FOXP1: variants seen among roughly 807,000 people sequenced by gnomAD.
The protein encoded by FOXP1 is forkhead box P1, also known as forkhead box protein P1.
Under a neutral mutation model 98.2 loss-of-function variants are expected in FOXP1, and 15 were observed. The observed-to-expected ratio is 0.15, with a 90% confidence interval of 0.10 to 0.24. The LOEUF (loss-of-function observed/expected upper bound fraction) is 0.24. Among genes scored for constraint, FOXP1 ranks in the 10% least tolerant of loss-of-function variants. FOXP1 has a pLI of 1.00. For synonymous variants in FOXP1, 371 were observed against 314.5 expected (o/e 1.18, Z -1.90); for missense variants, 633 against 848.5 (o/e 0.75, Z 3.15).
intron 19 of FOXP1, 155 bp downstream of exon 19, chr3:70,970,581 G>A (rs1246344713): frequency 4.1e-6 from 3 of 727,488 alleles, no homozygotes; most frequent in Non-Finnish European, 7.5e-6. Context: ...AGCCCGATGT[G>A]TTTGCCTCCA....
intron 3 of FOXP1, among the ~76,000 whole-genome samples, chr3:71,465,230 C>T (rs761518071): frequency 2.0e-5 from 3 of 150,858 alleles, no homozygotes; most frequent in Admixed American, 6.6e-5. Flanking sequence ...TTGCTTGAAC[C>T]TGGGAGGCAG....
chr3:71,401,051 C>T (rs529575483), intron 3 of FOXP1, among the ~76,000 whole-genome samples: 2 of 152,092 alleles, frequency 1.3e-5, no homozygotes, highest in Non-Finnish European at 2.9e-5. Flanking sequence ...GTACGGGAGT[C>T]TCCTCCACCC....
chr3:71,316,996 A>T (rs1192893585), intron 4 of FOXP1, among the ~76,000 whole-genome samples: 1 of 152,130 alleles, frequency 6.6e-6, no homozygotes, highest in Non-Finnish European at 1.5e-5. Context: ...TGAAAACTGG[A>T]AAGAAATATA....
At chr3:71,250,229 C>T (rs925225068) in intron 5 of FOXP1, among the ~76,000 whole-genome samples, 5 of 152,224 alleles carry the variant, frequency 3.3e-5, no homozygotes, top group East Asian at 3.9e-4. Flanking sequence ...CGTCTCCAGA[C>T]GTTGCCAAAT....
At chr3:71,163,590 T>C (rs1243666383) in intron 6 of FOXP1, among the ~76,000 whole-genome samples, 1 of 152,178 alleles carries the variant, frequency 6.6e-6, no homozygotes, top group Non-Finnish European at 1.5e-5. Context: ...TTATGAATCG[T>C]GCTGGCCAAG....
intron 7 of FOXP1, among the ~76,000 whole-genome samples, chr3:71,080,831 A>G (rs954044203): frequency 6.6e-6 from 1 of 152,200 alleles, no homozygotes; most frequent in Non-Finnish European, 1.5e-5. Context: ...TTCCCTGGGT[A>G]TCAAAGAAAG....
intron 5 of FOXP1, among the ~76,000 whole-genome samples, chr3:71,281,020 T>C (rs2704806): frequency 0.6 from 81,422 of 136,092 alleles, 23,839 homozygotes; most frequent in African/African-American, 0.69. Flanking sequence ...CTGGGCAACA[T>C]GGCAAAGCCC....
intron 7 of FOXP1, among the ~76,000 whole-genome samples, chr3:71,078,874 A>C (rs1433724112): frequency 6.6e-6 from 1 of 152,134 alleles, no homozygotes; most frequent in Non-Finnish European, 1.5e-5. Context: ...TGGAAGCACA[A>C]GAGCTAGTGT....
chr3:71,095,839 A>C (rs1197104600), intron 7 of FOXP1, among the ~76,000 whole-genome samples: 1 of 152,256 alleles, frequency 6.6e-6, no homozygotes, highest in African/African-American at 2.4e-5. Context: ...AATGTGGCAT[A>C]ATCATTTCAA....
intron 3 of FOXP1, among the ~76,000 whole-genome samples, chr3:71,461,845 ACCACAGG>A (rs1422839568): frequency 6.9e-6 from 1 of 144,466 alleles, no homozygotes; most frequent in African/African-American, 2.9e-5. Flanking sequence ...GCTTACAGGG[ACCACAGG>A]TCTCTGGTAT....
intron 2 of FOXP1, among the ~76,000 whole-genome samples, chr3:71,532,258 C>T (rs1235759879): frequency 1.3e-5 from 2 of 152,136 alleles, no homozygotes; most frequent in African/African-American, 4.8e-5. Flanking sequence ...TGCCACCACA[C>T]CCAAATTTTT....
chr3:71,206,021 T>C (rs1462469345), intron 5 of FOXP1, among the ~76,000 whole-genome samples: 1 of 152,232 alleles, frequency 6.6e-6, no homozygotes, highest in African/African-American at 2.4e-5. Context: ...CAGATTAAAA[T>C]AGTTTGCTTG....
chr3:71,047,172 C>A, intron 9 of FOXP1, 77 bp from the exon 10 acceptor site: 2 of 1,521,624 alleles, frequency 1.3e-6, no homozygotes, highest in Admixed American at 3.3e-5. Context: ...TCAAAACTCA[C>A]CATCATCATC....
chr3:71,254,300 C>T (rs1335299064), intron 5 of FOXP1, among the ~76,000 whole-genome samples: 2 of 152,062 alleles, frequency 1.3e-5, no homozygotes, highest in African/African-American at 2.4e-5. Flanking sequence ...TCAAGGCCCC[C>T]GCAAAGTGTG....
intron 5 of FOXP1, among the ~76,000 whole-genome samples, chr3:71,269,497 T>A (rs1442209207): frequency 6.6e-6 from 1 of 152,202 alleles, no homozygotes; most frequent in African/African-American, 2.4e-5. Flanking sequence ...TTCAGTTTCA[T>A]TACTGGCCTC....
At chr3:71,338,452 T>G (rs2107765121) in intron 4 of FOXP1, among the ~76,000 whole-genome samples, 1 of 152,272 alleles carries the variant, frequency 6.6e-6, no homozygotes. Flanking sequence ...AGAGTATAAA[T>G]TTTTTCTTTG....
intron 7 of FOXP1, among the ~76,000 whole-genome samples, chr3:71,077,267 A>G (rs1407638127): frequency 6.6e-6 from 1 of 152,168 alleles, no homozygotes; most frequent in African/African-American, 2.4e-5. Context: ...ATTCTGCAGC[A>G]AGGTGTCAAT....
At position 71,295,353 on chromosome 3, in the gene FOXP1, T is replaced by A. The variant is rs2073176951; in HGVS notation, c.-12+4467A>T. 3.3e-5 allele frequency among the ~76,000 whole-genome samples: 5 copies of A among 152,222 alleles called. No homozygotes were observed. In the South Asian group the frequency reaches 1.0e-3, roughly 32 times the overall value. ...ATATACACTTTTAAAGGAACTTATA[T>A]TTCAAATAACTGAATAGCATTTTAG... On this transcript the variant is annotated intron_variant, in intron 5 of 20. Transcript: ENST00000649528.
rs1459047400 is a variant in FOXP1, at chr3:71,182,166, T to G, written c.180+16036A>C. On this transcript the variant is annotated intron_variant, in intron 6 of 20. Transcript: ENST00000649528. ...AGATAATGAGTAGTGGTTGTCAAAT[T>G]TGATGGTGGAAGCACCTAGAAGTGA... Among the ~76,000 whole-genome samples the G allele has an allele frequency of 2.0e-5, 3 of 152,166 alleles. No homozygotes were observed. The East Asian group carries it at 5.8e-4, about 29-fold the overall frequency.
Sources: allele counts gnomAD v4.1 joint callset (sites outside exome capture counted in the v4.1 genomes callset), GRCh38; gene constraint gnomAD v4.1.1; transcripts MANE v1.5; gene names NCBI Gene and HGNC (gene_info 2026-07-23, HGNC 2026-07-21).